The following ERC2 variants were observed in gnomAD, a reference collection of about 807,000 sequenced individuals.
ERC2 encodes the protein ERC protein 2.
ERC2 carries 42 observed loss-of-function variants against 114.8 expected under a neutral mutation model. The observed-to-expected ratio is 0.37, with a 90% CI of 0.29 to 0.47. ERC2 has a LOEUF of 0.47. ERC2 is among the 20% of genes least tolerant of loss of function. The pLI is 0.99. For synonymous variants in ERC2, 454 were observed against 425.5 expected (o/e 1.07, Z -0.82); for missense variants, 939 against 1,150.7 (o/e 0.82, Z 2.66).
At chr3:56,086,425 G>T (rs755295789) in intron 6 of ERC2, among the ~76,000 whole-genome samples, 3 of 152,014 alleles carry the variant, frequency 2.0e-5, no homozygotes, top group Non-Finnish European at 2.9e-5. Context: ...AGGAATTTGG[G>T]TCGTGCCTTT....
rs369332839 is a variant in ERC2, at chr3:55,534,619, C to T, written c.*40-23343G>A. ...GCTGAGGTGGGAGGATCAATCGAGCCTGGGAAGTCGAGGCTGCAGTGAGCT... is the reference window on the plus strand; with the variant it reads ...GCTGAGGTGGGAGGATCAATCGAGCTTGGGAAGTCGAGGCTGCAGTGAGCT... On this transcript the variant is annotated intron_variant, in intron 17 of 17. Transcript: ENST00000288221. Among the ~76,000 whole-genome samples the T allele has an allele frequency of 1.2e-4, 19 of 152,118 alleles. No homozygotes were observed. In the East Asian group the frequency reaches 3.1e-3, roughly 25 times the overall value.
intron 2 of ERC2, among the ~76,000 whole-genome samples, chr3:56,425,246 G>A (rs1056745906): frequency 2.0e-5 from 3 of 152,090 alleles, no homozygotes; most frequent in Non-Finnish European, 4.4e-5. Flanking sequence ...ACCAAGTCCT[G>A]GAGGGAGGAT....
At chr3:55,699,052 T>C (rs2063087482) in intron 16 of ERC2, among the ~76,000 whole-genome samples, 1 of 152,194 alleles carries the variant, frequency 6.6e-6, no homozygotes, top group East Asian at 1.9e-4. Flanking sequence ...AACAAAGTGC[T>C]TTCTCTTAAA....
intron 2 of ERC2, among the ~76,000 whole-genome samples, chr3:56,357,786 A>G (rs2058800270): frequency 6.7e-6 from 1 of 149,032 alleles, no homozygotes; most frequent in Middle Eastern, 3.4e-3. Context: ...ATGATCTAGT[A>G]TGTCATATCC....
chr3:55,667,049 G>C (rs2061383548), intron 17 of ERC2, among the ~76,000 whole-genome samples: 1 of 152,096 alleles, frequency 6.6e-6, no homozygotes, highest in Admixed American at 6.5e-5. Context: ...AGTTTCCCAG[G>C]CTAATCCACA....
intron 2 of ERC2, among the ~76,000 whole-genome samples, chr3:56,428,212 G>GAATGACCCTGTTGA (rs2061646719): frequency 6.6e-6 from 1 of 152,096 alleles, no homozygotes; most frequent in African/African-American, 2.4e-5. Flanking sequence ...GAACATAGTT[G>GAATGACCCTGTTGA]AATGACCCTG....
At chr3:56,347,946 T>C (rs2058370344) in intron 2 of ERC2, among the ~76,000 whole-genome samples, 1 of 152,310 alleles carries the variant, frequency 6.6e-6, no homozygotes, top group South Asian at 2.1e-4. Flanking sequence ...TGTCTCTAAC[T>C]CAGCCCTGAC....
chr3:55,892,405 C>G (rs570459598), intron 13 of ERC2, among the ~76,000 whole-genome samples: 2 of 152,060 alleles, frequency 1.3e-5, no homozygotes, highest in Non-Finnish European at 2.9e-5. Context: ...ACCTAGAGTC[C>G]CAGCTACCCT....
intron 6 of ERC2, among the ~76,000 whole-genome samples, chr3:56,123,110 A>C (rs1410466207): frequency 6.6e-6 from 1 of 151,742 alleles, no homozygotes; most frequent in East Asian, 1.9e-4. Flanking sequence ...TCTCTTCCCA[A>C]CCTCCTCCAT....
chr3:55,659,011 GCAAGGCAT>G (rs139967100), intron 17 of ERC2: 8,042 of 152,690 alleles, frequency 0.053, 326 homozygotes, highest in African/African-American at 0.12. Context: ...CCTTCAACAG[GCAAGGCAT>G]CTTTCTTCTC....
intron 17 of ERC2, among the ~76,000 whole-genome samples, chr3:55,670,372 A>T (rs759959967): frequency 8.5e-4 from 129 of 152,194 alleles, no homozygotes; most frequent in Non-Finnish European, 8.8e-4. Flanking sequence ...GGTGGAGAGG[A>T]TGAAAATGGA....
chr3:56,311,306 A>AT (rs1312300275), intron 2 of ERC2, among the ~76,000 whole-genome samples: 10 of 95,612 alleles, frequency 1.0e-4, no homozygotes, highest in South Asian at 6.7e-4. Context: ...CATATATATA[A>AT]TTTTTTTTTT....
At chr3:56,213,338 G>A (rs555310601) in intron 3 of ERC2, among the ~76,000 whole-genome samples, 229 of 152,172 alleles carry the variant, frequency 1.5e-3, no homozygotes, top group Non-Finnish European at 2.9e-3. Context: ...TTTTCCTATG[G>A]TCTTAGCAAA....
rs140517991 is a variant in ERC2 at position 56,332,115 on chromosome 3, G to A, written c.658-35680C>T. ...ACACACTCTGGGCCTAATTCCAGGG[G>A]AAAGACTTCCTATTTTTCACACACA... On this transcript the variant is annotated intron_variant, in intron 2 of 17. Transcript: ENST00000288221. Among the ~76,000 whole-genome samples the A allele has an allele frequency of 6.2e-3, 915 of 146,684 alleles. 8 individuals are homozygous for A. The highest frequency in any genetic ancestry group is 0.021 in the African/African-American group (859 of 40,260).
chr3:56,139,746 T>C, intron 5 of ERC2, 70 bp from the exon 6 acceptor site: 3 of 1,463,560 alleles, frequency 2.0e-6, no homozygotes, highest in East Asian at 4.9e-5. Flanking sequence ...GGACAACTAC[T>C]GATTTCTCTC....
intron 1 of ERC2, 140 bp from the exon 2 acceptor site, chr3:56,435,287 C>G (rs1223547779): frequency 3.8e-6 from 1 of 262,970 alleles, no homozygotes; most frequent in African/African-American, 2.2e-5. Flanking sequence ...AAGAGCCACA[C>G]CCATAATGTT....
At chr3:55,902,207 G>A (rs974640245) in intron 13 of ERC2, among the ~76,000 whole-genome samples, 10 of 152,102 alleles carry the variant, frequency 6.6e-5, no homozygotes, top group African/African-American at 2.2e-4. Flanking sequence ...TCAGTGGGAG[G>A]AAAGCAAAAA....
chr3:55,815,495 G>T (rs1237198817), intron 14 of ERC2, among the ~76,000 whole-genome samples: 1 of 152,178 alleles, frequency 6.6e-6, no homozygotes, highest in Non-Finnish European at 1.5e-5. Flanking sequence ...GAGCGGCCAC[G>T]TGGAAAACAC....
chr3:55,695,590 T>C (rs1271942107), intron 16 of ERC2, among the ~76,000 whole-genome samples: 2 of 152,202 alleles, frequency 1.3e-5, no homozygotes, highest in Non-Finnish European at 2.9e-5. Flanking sequence ...AGTTTAGATC[T>C]ACTGGGTTAT....
Sources: gnomAD v4.1 joint callset for allele counts (sites outside exome capture counted in the v4.1 genomes callset) on GRCh38, gnomAD v4.1.1 for gene constraint, MANE v1.5 for transcripts, NCBI Gene and HGNC (gene_info 2026-07-23, HGNC 2026-07-21) for gene names.